The following DSTN variants were observed in gnomAD, a reference collection of about 807,000 sequenced individuals.
DSTN encodes destrin.
Under a neutral mutation model 16.8 loss-of-function variants are expected in DSTN, and 10 were observed. That is an observed-to-expected ratio of 0.60 (90% CI 0.37 to 1.01). The LOEUF (loss-of-function observed/expected upper bound fraction) is 1.01. Among genes scored for constraint, DSTN ranks in the 50% least tolerant of loss-of-function variants. The pLI, the probability that DSTN is intolerant of heterozygous loss-of-function variation, is 0.01. For synonymous variants in DSTN, 57 were observed against 58.9 expected (o/e 0.97, Z 0.14); for missense variants, 141 against 196.7 (o/e 0.72, Z 1.69).
intron 1 of DSTN, 77 bp from the exon 2 acceptor site, chr20:17,600,661 T>G: frequency 7.0e-7 from 1 of 1,419,948 alleles, no homozygotes; most frequent in Non-Finnish European, 9.4e-7. Flanking sequence ...TATGCCAATC[T>G]ATAAGCAGAA....
chr20:17,600,157 TTCTAA>T (rs2035571131), intron 1 of DSTN, among the ~76,000 whole-genome samples: 1 of 152,246 alleles, frequency 6.6e-6, no homozygotes, highest in South Asian at 2.1e-4. Context: ...TTCTTATTTA[TTCTAA>T]TCTTAGTTTA....
chr20:17,593,516 G>C (rs1007840164), intron 1 of DSTN, among the ~76,000 whole-genome samples: 2 of 152,212 alleles, frequency 1.3e-5, no homozygotes, highest in Non-Finnish European at 2.9e-5. Flanking sequence ...GAGGTGGTGT[G>C]TGGTGGAGAT....
At chr20:17,577,511 G>A (rs1321490551) in intron 1 of DSTN, among the ~76,000 whole-genome samples, 1 of 151,110 alleles carries the variant, frequency 6.6e-6, no homozygotes, top group Non-Finnish European at 1.5e-5. Context: ...AGGTTGTGGT[G>A]AACCGAGATC....
intron 1 of DSTN, chr20:17,599,225 C>T (rs911444453): frequency 6.6e-6 from 1 of 152,250 alleles, no homozygotes; most frequent in African/African-American, 2.4e-5. Context: ...TTTAGGAGTT[C>T]AAGGCTGTAG....
chr20:17,592,625 TGTTACTAGTCATGAAGAGCCATACTACTA>T (rs1313938501), intron 1 of DSTN, among the ~76,000 whole-genome samples: 25 of 152,140 alleles, frequency 1.6e-4, no homozygotes, highest in East Asian at 5.8e-4. Flanking sequence ...TAGTATATAG[TGTTACTAGTCATGAAGAGCCATACTACTA>T]GTTACTAGTC....
chr20:17,588,408 A>G (rs1264378643), intron 1 of DSTN, among the ~76,000 whole-genome samples: 5 of 152,162 alleles, frequency 3.3e-5, no homozygotes, highest in Non-Finnish European at 7.3e-5. Flanking sequence ...CCTTGGGCAC[A>G]TGTTCTCAGG....
chr20:17,592,120 C>T, intron 1 of DSTN: 1 of 984,544 alleles, frequency 1.0e-6, no homozygotes, highest in Non-Finnish European at 1.2e-6. Context: ...GTATAAAAAT[C>T]ATTATCAAGA....
chr20:17,584,022 A>T (rs1176048695), intron 1 of DSTN, among the ~76,000 whole-genome samples: 2 of 152,098 alleles, frequency 1.3e-5, no homozygotes, highest in African/African-American at 4.8e-5. Flanking sequence ...TATAGGCATG[A>T]GCCATTACAC....
chr20:17,581,423 T>TG (rs1454853249), intron 1 of DSTN, among the ~76,000 whole-genome samples: 2 of 152,146 alleles, frequency 1.3e-5, no homozygotes, highest in African/African-American at 4.8e-5. Context: ...GTCGAGGCTA[T>TG]GGTGAGCCAA....
At chr20:17,572,044 G>C (rs117859565) in intron 1 of DSTN, among the ~76,000 whole-genome samples, 123 of 152,304 alleles carry the variant, frequency 8.1e-4, no homozygotes, top group Non-Finnish European at 1.5e-3. Flanking sequence ...AGTGATTAGA[G>C]AATATTGTGG....
In DSTN at chr20:17,607,252, C is replaced by T; in HGVS notation, c.*106C>T. The T allele has an allele frequency of 1.1e-6, 1 of 922,352 alleles. No individual in the cohort carries two copies. The allele number at this position is 922,352 out of a possible 1,614,324, so 57.1% of individuals were successfully genotyped here. On this transcript the variant is annotated 3_prime_UTR_variant, in exon 4 of 4. Coordinates refer to ENST00000246069, the MANE Select transcript of DSTN (RefSeq NM_006870.4). ...CAGGGTCTCACTGAGGGGGAGCTGTCTTGTCATCTTTTAGAGTAAACTATT... is the reference window on the plus strand; with the variant it reads ...CAGGGTCTCACTGAGGGGGAGCTGTTTTGTCATCTTTTAGAGTAAACTATT...
intron 1 of DSTN, among the ~76,000 whole-genome samples, chr20:17,582,982 A>G (rs922411891): frequency 6.6e-6 from 1 of 152,252 alleles, no homozygotes; most frequent in African/African-American, 2.4e-5. Flanking sequence ...GCTTGTGTGT[A>G]GAATATATTA....
intron 2 of DSTN, 141 bp from the exon 3 acceptor site, chr20:17,604,414 G>GA (rs2122211195): frequency 1.3e-6 from 1 of 781,504 alleles, no homozygotes; most frequent in East Asian, 2.7e-5. Flanking sequence ...TGGGGAGGTA[G>GA]AAAAAATGTG....
At chr20:17,604,279 G>A (rs2035617825) in intron 2 of DSTN, among the ~76,000 whole-genome samples, 2 of 152,162 alleles carry the variant, frequency 1.3e-5, no homozygotes, top group South Asian at 4.1e-4. Flanking sequence ...TCATTATGGC[G>A]ACTGTAATCT....
chr20:17,606,727 C>T (rs2035647047), intron 3 of DSTN, among the ~76,000 whole-genome samples: 1 of 152,216 alleles, frequency 6.6e-6, no homozygotes, highest in Non-Finnish European at 1.5e-5. Context: ...CCTTCCTCCT[C>T]AAAGTAGCCA....
intron 1 of DSTN, among the ~76,000 whole-genome samples, chr20:17,585,640 C>T (rs1228311850): frequency 2.0e-5 from 3 of 152,090 alleles, no homozygotes; most frequent in African/African-American, 7.2e-5. Flanking sequence ...TATATGTACA[C>T]ACACATATAT....
chr20:17,579,941 C>T (rs2035324864), intron 1 of DSTN, among the ~76,000 whole-genome samples: 1 of 152,200 alleles, frequency 6.6e-6, no homozygotes, highest in Admixed American at 6.5e-5. Flanking sequence ...TCTGTTATCT[C>T]TACCCAACTG....
rs1180682130 is a variant in DSTN, at chr20:17,608,863, G to A, written c.*1717G>A. On this transcript the variant is annotated 3_prime_UTR_variant, in exon 4 of 4. Transcript: ENST00000246069. ...ACATGTCAAAGACTGCATATACTATGGTGGTCCCATACAATTATAATGTAT... is the reference window on the plus strand; with the variant it reads ...ACATGTCAAAGACTGCATATACTATAGTGGTCCCATACAATTATAATGTAT... The A allele has an allele frequency of 6.6e-6, 1 of 152,130 alleles. No homozygotes were observed. The highest frequency in any genetic ancestry group is 1.5e-5 in the Non-Finnish European group (1 of 68,046). The allele number at this position is 152,130 out of a possible 1,614,324, so 9.4% of individuals were successfully genotyped here. A position where few individuals can be genotyped will look rare whatever the true frequency, so the allele number is the denominator to read the frequency against.
chr20:17,593,106 C>T (rs753146317), intron 1 of DSTN, among the ~76,000 whole-genome samples: 19 of 152,308 alleles, frequency 1.2e-4, no homozygotes, highest in Non-Finnish European at 2.5e-4. Flanking sequence ...TTCCTTCTCC[C>T]TTATCCTCAT....
Sources: allele counts gnomAD v4.1 joint callset (sites outside exome capture counted in the v4.1 genomes callset), GRCh38; gene constraint gnomAD v4.1.1; transcripts MANE v1.5; gene names NCBI Gene and HGNC (gene_info 2026-07-23, HGNC 2026-07-21).